RSBN1: variants seen among roughly 807,000 people sequenced by gnomAD.
RSBN1 encodes the protein lysine-specific demethylase 9.
A neutral mutation model predicts 74.8 loss-of-function variants in RSBN1; 23 were observed. The observed-to-expected ratio is 0.31, with a 90% CI of 0.22 to 0.44. The LOEUF is 0.44. Among genes scored for constraint, RSBN1 ranks in the 20% least tolerant of loss-of-function variants. RSBN1 has a pLI of 1.00. For missense variants in RSBN1, 808 were observed against 1,020.9 expected (o/e 0.79, Z 2.84); for synonymous variants, 407 against 379.6 (o/e 1.07, Z -0.84).
rs1173094969 is a variant in RSBN1, at chr1:113,765,257, A to G, written c.*723T>C. The G allele has an allele frequency of 1.3e-5, 2 of 152,276 alleles. No individual in the cohort carries two copies. The highest frequency in any genetic ancestry group is 4.8e-5 in the African/African-American group (2 of 41,452). The allele number at this position is 152,276 out of a possible 1,614,324, so 9.4% of individuals were successfully genotyped here. A position where few individuals can be genotyped will look rare whatever the true frequency, so the allele number is the denominator to read the frequency against. On this transcript the variant is annotated 3_prime_UTR_variant, in exon 7 of 7. Coordinates refer to ENST00000261441, the MANE Select transcript of RSBN1 (RefSeq NM_018364.5). ...CTCTTTTACCCAAAATATCTTCAAC[A>G]GTTAGCATATATTCTAGAAGAGATT...
At chr1:113,771,448 A>T (rs1429400975) in intron 4 of RSBN1, among the ~76,000 whole-genome samples, 1 of 152,050 alleles carries the variant, frequency 6.6e-6, no homozygotes, top group Non-Finnish European at 1.5e-5. Context: ...TCCTAGGTGG[A>T]TAACTGAAAT....
In RSBN1 at chr1:113,766,056, G is replaced by A; in HGVS notation, c.2333C>T (p.Pro778Leu). The change falls in exon 7 of 7, where the codon CCA becomes CTA. Residue 778 changes from proline to leucine, a missense_variant. Physicochemically the swap from Pro to Leu is moderately conservative, Grantham distance 98. Around this residue, in one of 6 missense-constraint regions of RSBN1, gnomAD observed 91 missense variants for 99.6 expected, o/e 0.91. Coordinates refer to ENST00000261441, the MANE Select transcript of RSBN1 (RefSeq NM_018364.5). The part of the protein sequence containing the change: ...LQQDQKTQPI[P>L]VLKVESRLDS... Reference sequence around the variant, plus strand: ...CAGTCTACTTTCCACTTTTAAAACTGGAATAGGCTGAGTCTTCTGATCTTG... The same window carrying A: ...CAGTCTACTTTCCACTTTTAAAACTAGAATAGGCTGAGTCTTCTGATCTTG... 6.2e-7 allele frequency: 1 copy of A among 1,614,022 alleles called. No homozygotes were observed. The highest frequency in any genetic ancestry group is 1.1e-5 in the South Asian group (1 of 91,078).
chr1:113,767,125 C>G lies in RSBN1; in HGVS notation c.1909G>C (p.Asp637His), dbSNP rs939866498. 1.9e-6 allele frequency: 3 copies of G among 1,606,332 alleles called. No individual in the cohort carries two copies. Among genetic ancestry groups the G allele is most frequent in the Non-Finnish European group, 2.6e-6 (3 of 1,174,734 alleles). ...FTDVVQRLQL[D>H]LHEPPVSQCV... The stretch of plus-strand genomic sequence containing the variant: ...TGGGAAACTGGAGGTTCATGAAGAT[C>G]TAACTGAAGTCTTTGTACAACATCA... Residue 637 changes from aspartate to histidine, a missense_variant, in exon 6 of 7, where the codon GAT becomes CAT. Physicochemically the swap from Asp to His is moderately conservative, Grantham distance 81. Around this residue, in one of 6 missense-constraint regions of RSBN1, gnomAD observed 38 missense variants for 120.6 expected, o/e 0.32. Transcript: ENST00000261441.
intron 2 of RSBN1, among the ~76,000 whole-genome samples, chr1:113,790,582 C>T (rs1354276140): frequency 1.3e-5 from 2 of 152,214 alleles, no homozygotes; most frequent in African/African-American, 4.8e-5. Flanking sequence ...GCTTCCCAGG[C>T]AATGTTGACA....
At position 113,764,713 on chromosome 1, in the gene RSBN1, T is replaced by G. The variant is rs1340395070; in HGVS notation, c.*1267A>C. 1 of 150,222 alleles carries G rather than the reference T, an allele frequency of 6.7e-6. No homozygotes were observed. Among genetic ancestry groups the G allele is most frequent in the Non-Finnish European group, 1.5e-5 (1 of 67,746 alleles). The allele number at this position is 150,222 out of a possible 1,614,324, so 9.3% of individuals were successfully genotyped here. ...AAATTGCACTGTAACCAGGGAGATATAAGAATCTGGTCTTAGGTGTGGGGA... is the reference window on the plus strand; with the variant it reads ...AAATTGCACTGTAACCAGGGAGATAGAAGAATCTGGTCTTAGGTGTGGGGA... On this transcript the variant is annotated 3_prime_UTR_variant, in exon 7 of 7. Transcript: ENST00000261441.
At chr1:113,781,075 GC>G (rs1371767748) in intron 2 of RSBN1, among the ~76,000 whole-genome samples, 2 of 151,958 alleles carry the variant, frequency 1.3e-5, no homozygotes, top group Non-Finnish European at 2.9e-5. Context: ...CACCAGCCCT[GC>G]CTGCAAACCC....
At chr1:113,796,589 A>C (rs1040604727) in intron 2 of RSBN1, among the ~76,000 whole-genome samples, 1 of 152,188 alleles carries the variant, frequency 6.6e-6, no homozygotes, top group African/African-American at 2.4e-5. Context: ...AAGTTTAAAA[A>C]GTGAAAGTCT....
chr1:113,807,800 TACACAC>T (rs59928174), intron 1 of RSBN1, among the ~76,000 whole-genome samples: 11 of 144,606 alleles, frequency 7.6e-5, no homozygotes, highest in Admixed American at 1.4e-4. Flanking sequence ...TGTATATGTA[TACACAC>T]ACACACACAC....
At chr1:113,794,670 C>T (rs1660435240) in intron 2 of RSBN1, among the ~76,000 whole-genome samples, 1 of 152,192 alleles carries the variant, frequency 6.6e-6, no homozygotes, top group African/African-American at 2.4e-5. Flanking sequence ...CTTAACATGC[C>T]TTTTCGAATT....
rs71779986 is a variant in RSBN1 at position 113,771,810 on chromosome 1, CA to C, written c.1659-3422del. ...TCAAGAAAAGTTTATGTTCCTACCT[CA>C]AAAAAAAAAAAAAAAAAAAGGAGGG... On this transcript the variant is annotated intron_variant, in intron 4 of 6. Coordinates refer to ENST00000261441, the MANE Select transcript of RSBN1 (RefSeq NM_018364.5). Among the ~76,000 whole-genome samples, 595 of 75,360 alleles carry C rather than the reference CA, an allele frequency of 7.9e-3. 1 individual carries two copies. The highest frequency in any genetic ancestry group is 0.012 in the East Asian group (37 of 3,054). The allele number at this position is 75,360 out of a possible 152,430, so 49.4% of individuals were successfully genotyped here. A position where few individuals can be genotyped will look rare whatever the true frequency, so the allele number is the denominator to read the frequency against.
In RSBN1 at chr1:113,777,742, C is replaced by G. The variant is rs780403681; in HGVS notation, c.1444G>C (p.Ala482Pro). ...GPMRQISLVG[A>P]VDEEVGDYFP... is the part of the protein sequence containing the mutation. ...TAATCACCAACTTCTTCATCTACTG[C>G]TCCAACGAGACTTATCTGCCGCATA... The change falls in exon 3 of 7, where the codon GCA becomes CCA. Residue 482 changes from alanine (A) to proline (P), a missense_variant. By Grantham distance (27) the Ala-to-Pro change is conservative. Around this residue, in one of 6 missense-constraint regions of RSBN1, gnomAD observed 112 missense variants for 257.3 expected, o/e 0.44. Coordinates refer to ENST00000261441, the MANE Select transcript of RSBN1 (RefSeq NM_018364.5). 1 of 1,611,702 alleles carries G rather than the reference C, an allele frequency of 6.2e-7. No homozygotes were observed.
intron 2 of RSBN1, among the ~76,000 whole-genome samples, chr1:113,785,479 T>G (rs922848483): frequency 1.3e-5 from 2 of 152,238 alleles, no homozygotes; most frequent in Non-Finnish European, 2.9e-5. Flanking sequence ...GCGTTACATA[T>G]GCAGTCTGTC....
rs1391869912 is a variant in RSBN1 at position 113,765,999 on chromosome 1, T to A, written c.2390A>T (p.His797Leu). 6.2e-7 allele frequency: 1 copy of A among 1,612,398 alleles called. No individual in the cohort carries two copies. Among genetic ancestry groups the A allele is most frequent in the Non-Finnish European group, 8.5e-7 (1 of 1,178,524 alleles). Residue 797 changes from histidine (H) to leucine (L), a missense_variant, in exon 7 of 7, where the codon CAT (histidine) becomes CTT (leucine). Around this residue, in one of 6 missense-constraint regions of RSBN1, gnomAD observed 91 missense variants for 99.6 expected, o/e 0.91. Transcript: ENST00000261441. ...DSDQQHNLQE[H>L]STTSV ...TACATATCACACAGAAGTGGTTGAA[T>A]GTTCTTGCAGATTGTGTTGCTGGTC...
At chr1:113,782,575 A>G (rs192743965) in intron 2 of RSBN1, among the ~76,000 whole-genome samples, 1 of 152,240 alleles carries the variant, frequency 6.6e-6, no homozygotes, top group Non-Finnish European at 1.5e-5. Flanking sequence ...AAGAAAAACA[A>G]ACTGGCTGTT....
rs779729142 is a variant in RSBN1 at position 113,797,708 on chromosome 1, A to G, written c.1032T>C (p.Ser344=). The change falls in exon 2 of 7, where the codon TCT becomes TCC. Residue 344 remains serine, a synonymous_variant. Coordinates refer to ENST00000261441, the MANE Select transcript of RSBN1 (RefSeq NM_018364.5). ...QTPFMTHQEH[S]IRRNFLKTGT... Reference sequence around the variant, plus strand: ...CTGTTTTTAAGAAATTTCTACGAATAGAATGTTCCTGGTGAGTCATAAAAG... The same window carrying G: ...CTGTTTTTAAGAAATTTCTACGAATGGAATGTTCCTGGTGAGTCATAAAAG... 6.2e-7 allele frequency: 1 copy of G among 1,614,132 alleles called. No individual in the cohort carries two copies. The highest frequency in any genetic ancestry group is 8.5e-7 in the Non-Finnish European group (1 of 1,180,004).
intron 3 of RSBN1, 117 bp downstream of exon 3, chr1:113,777,554 G>A: frequency 9.4e-7 from 1 of 1,065,850 alleles, no homozygotes; most frequent in Non-Finnish European, 1.3e-6. Flanking sequence ...AAACATTTCT[G>A]TGCAAAACAC....
rs758153823 is a variant in RSBN1 at position 113,812,127 on chromosome 1, A to T, written c.286T>A (p.Ser96Thr). ...KRQRRSSSGG[S>T]QEKRGRPSQE... ...CTCGGCCGCCCCCGCTTCTCCTGAG[A>T]CCCCCCACTGCTAGATCGGCGCTGC... The change falls in exon 1 of 7, where the codon TCT becomes ACT. Residue 96 changes from serine to threonine, a missense_variant. This residue lies in a region of RSBN1 where 464 missense variants were observed against 401.0 expected (regional missense o/e 1.16). Transcript: ENST00000261441. 8 of 1,605,302 alleles carry T rather than the reference A, an allele frequency of 5.0e-6. No individual in the cohort carries two copies. Among genetic ancestry groups the T allele is most frequent in the East Asian group, 2.2e-5 (1 of 44,580 alleles).
chr1:113,762,752 A>C lies in RSBN1; in HGVS notation c.*3228T>G, dbSNP rs112619152. On this transcript the variant is annotated 3_prime_UTR_variant, in exon 7 of 7. Coordinates refer to ENST00000261441, the MANE Select transcript of RSBN1 (RefSeq NM_018364.5). Reference sequence around the variant, plus strand: ...AATATTTATATAGGGAAAGGCAATAAGCAAGTTTTTTCCAGTCATTAAGTG... The same window carrying C: ...AATATTTATATAGGGAAAGGCAATACGCAAGTTTTTTCCAGTCATTAAGTG... 3.7e-3 allele frequency: 568 copies of C among 152,888 alleles called. 2 individuals are homozygous for C. The highest frequency in any genetic ancestry group is 5.6e-3 in the Admixed American group (86 of 15,294). The allele number at this position is 152,888 out of a possible 1,614,324, so 9.5% of individuals were successfully genotyped here. A position where few individuals can be genotyped will look rare whatever the true frequency, so the allele number is the denominator to read the frequency against.
intron 1 of RSBN1, among the ~76,000 whole-genome samples, chr1:113,804,282 G>A (rs1217375): frequency 0.34 from 51,993 of 152,006 alleles, 10,799 homozygotes; most frequent in African/African-American, 0.58. Flanking sequence ...CTCTGAAAGA[G>A]GAAAGAAAAC....
Sources: gnomAD v4.1 joint callset for allele counts (sites outside exome capture counted in the v4.1 genomes callset) on GRCh38, gnomAD v4.1.1 for gene constraint, gnomAD v4.1.1 regional missense constraint, MANE v1.5 for transcripts, NCBI Gene and HGNC (gene_info 2026-07-23, HGNC 2026-07-21) for gene names.